The following CNTNAP2 variants were observed in gnomAD, a reference collection of about 807,000 sequenced individuals.
CNTNAP2 encodes contactin associated protein 2, also known as contactin-associated protein-like 2.
CNTNAP2 carries 98 observed loss-of-function variants against 155.2 expected under a neutral mutation model. The observed-to-expected ratio is 0.63, with a 90% CI of 0.54 to 0.75. The LOEUF (loss-of-function observed/expected upper bound fraction) is 0.75, where lower values mean the gene tolerates loss of function less well. Ranked by LOEUF, CNTNAP2 falls within the 30% of genes least tolerant of loss-of-function variation. CNTNAP2 has a pLI of 0.00. For synonymous variants in CNTNAP2, 651 were observed against 631.2 expected (o/e 1.03, Z -0.47); for missense variants, 1,727 against 1,688.1 (o/e 1.02, Z -0.40).
At chr7:146,141,203 G>C (rs1797877080) in intron 1 of CNTNAP2, among the ~76,000 whole-genome samples, 1 of 152,176 alleles carries the variant, frequency 6.6e-6, no homozygotes, top group Non-Finnish European at 1.5e-5. Flanking sequence ...AAGGGCACCT[G>C]TGTGTCAGCC....
intron 18 of CNTNAP2, among the ~76,000 whole-genome samples, chr7:148,203,187 A>G (rs192737497): frequency 6.6e-6 from 1 of 152,098 alleles, no homozygotes; most frequent in African/African-American, 2.4e-5. Context: ...TGGGGAGGAG[A>G]GGTGGGGGAA....
chr7:147,750,064 A>C (rs1255760592), intron 13 of CNTNAP2, among the ~76,000 whole-genome samples: 1 of 152,228 alleles, frequency 6.6e-6, no homozygotes, highest in Non-Finnish European at 1.5e-5. Context: ...AGCCATTATA[A>C]AGGAATGCCT....
rs116662049 is a variant in CNTNAP2 at position 148,229,302 on chromosome 7, T to G, written c.3248-344T>G. Among the ~76,000 whole-genome samples the G allele has an allele frequency of 8.9e-4, 135 of 152,270 alleles. 1 individual carries two copies. The highest frequency in any genetic ancestry group is 3.2e-3 in the African/African-American group (133 of 41,566). On this transcript the variant is annotated intron_variant, in intron 19 of 23. Coordinates refer to ENST00000361727, the MANE Select transcript of CNTNAP2 (RefSeq NM_014141.6). ...ACTTTGGGAGGCTGAGGCGAACGGA[T>G]AGCCTGAGGTCAGAATTTCGAGACC... is the stretch of plus-strand genomic sequence containing the variant.
chr7:146,679,130 A>G (rs1800455245), intron 1 of CNTNAP2, among the ~76,000 whole-genome samples: 1 of 152,082 alleles, frequency 6.6e-6, no homozygotes. Flanking sequence ...AGTACCCATT[A>G]GTTATTATTT....
At chr7:147,784,810 C>A (rs979809947) in intron 13 of CNTNAP2, among the ~76,000 whole-genome samples, 14 of 151,642 alleles carry the variant, frequency 9.2e-5, no homozygotes, top group Non-Finnish European at 2.1e-4. Flanking sequence ...GAGCTGGCAG[C>A]TGGACTGTGC....
intron 1 of CNTNAP2, among the ~76,000 whole-genome samples, chr7:146,216,840 G>T (rs1006083791): frequency 6.6e-6 from 1 of 152,182 alleles, no homozygotes; most frequent in Non-Finnish European, 1.5e-5. Context: ...TTTATAGGAG[G>T]TTGGTTTATA....
chr7:146,618,514 T>C lies in CNTNAP2; in HGVS notation c.98-155757T>C, dbSNP rs566397544. Among the ~76,000 whole-genome samples the C allele has an allele frequency of 9.2e-5, 14 of 152,300 alleles. No individual in the cohort carries two copies. The South Asian group carries it at 2.7e-3, about 29-fold the overall frequency. On this transcript the variant is annotated intron_variant, in intron 1 of 23. Coordinates refer to ENST00000361727, the MANE Select transcript of CNTNAP2 (RefSeq NM_014141.6). Reference sequence around the variant, plus strand: ...TTGCCATAATTTTGGGGAAGACTGTTCCTATGATGATGAATGAGTGTATTT... The same window carrying C: ...TTGCCATAATTTTGGGGAAGACTGTCCCTATGATGATGAATGAGTGTATTT...
At chr7:146,882,152 A>G (rs1795564611) in intron 3 of CNTNAP2, among the ~76,000 whole-genome samples, 1 of 152,028 alleles carries the variant, frequency 6.6e-6, no homozygotes, top group Non-Finnish European at 1.5e-5. Flanking sequence ...TTTCTTTCTT[A>G]TGGCTATATA....
intron 21 of CNTNAP2, among the ~76,000 whole-genome samples, chr7:148,307,320 T>C (rs1428650554): frequency 6.6e-6 from 1 of 152,044 alleles, no homozygotes; most frequent in East Asian, 1.9e-4. Context: ...TCCAGTGAGT[T>C]CTTCTGTTTT....
chr7:148,213,666 G>A (rs1463007103), intron 18 of CNTNAP2, among the ~76,000 whole-genome samples: 1 of 151,838 alleles, frequency 6.6e-6, no homozygotes, highest in Non-Finnish European at 1.5e-5. Context: ...ACATTCTCTA[G>A]CAGAACCTCT....
rs924480689 is a variant in CNTNAP2, at chr7:146,305,544, C to T, written c.97+188571C>T. ...TCTGTTGGAGTTTCCTGGAGGTCCA[C>T]TCCATACCCTATTTGCCTGGGTATC... On this transcript the variant is annotated intron_variant, in intron 1 of 23. Transcript: ENST00000361727. 4.6e-5 allele frequency among the ~76,000 whole-genome samples: 7 copies of T among 152,102 alleles called. No individual in the cohort carries two copies. The East Asian group carries it at 1.4e-3, about 29-fold the overall frequency.
intron 21 of CNTNAP2, among the ~76,000 whole-genome samples, chr7:148,283,788 A>ACT (rs1797031704): frequency 3.3e-5 from 5 of 152,190 alleles, no homozygotes; most frequent in African/African-American, 1.2e-4. Flanking sequence ...CTGTTAGATG[A>ACT]GCTGTCTTTA....
chr7:147,953,435 A>G (rs2246747), intron 14 of CNTNAP2, among the ~76,000 whole-genome samples: 127,029 of 152,068 alleles, frequency 0.84, 53,582 homozygotes, highest in South Asian at 0.92. Flanking sequence ...CCATACCTAG[A>G]TGATGGGTTG....
At chr7:147,611,097 AT>A (rs34114191) in intron 12 of CNTNAP2, among the ~76,000 whole-genome samples, 103,478 of 150,956 alleles carry the variant, frequency 0.69, 35,798 homozygotes, top group African/African-American at 0.78. Context: ...ATTAGGAGTG[AT>A]TTTTTTTTTA....
At chr7:146,372,529 A>G (rs568247761) in intron 1 of CNTNAP2, among the ~76,000 whole-genome samples, 1 of 152,286 alleles carries the variant, frequency 6.6e-6, no homozygotes, top group Admixed American at 6.5e-5. Context: ...AGTTCACCAC[A>G]TGTTTTAAAA....
chr7:146,278,337 C>T (rs932689721), intron 1 of CNTNAP2, among the ~76,000 whole-genome samples: 1 of 152,086 alleles, frequency 6.6e-6, no homozygotes, highest in Non-Finnish European at 1.5e-5. Flanking sequence ...AAACAAAGGT[C>T]TCTGTTCTTT....
intron 1 of CNTNAP2, among the ~76,000 whole-genome samples, chr7:146,256,752 C>T (rs909379247): frequency 6.6e-6 from 1 of 151,902 alleles, no homozygotes; most frequent in African/African-American, 2.4e-5. Flanking sequence ...CTTACCACAA[C>T]ACGGCAATGC....
chr7:148,399,545 C>T (rs748102052), intron 22 of CNTNAP2, among the ~76,000 whole-genome samples: 1 of 152,154 alleles, frequency 6.6e-6, no homozygotes, highest in Non-Finnish European at 1.5e-5. Context: ...AGAGATTCAA[C>T]TTGTATTTTT....
rs528666585 is a variant in CNTNAP2 at position 146,454,211 on chromosome 7, A to G, written c.98-320060A>G. On this transcript the variant is annotated intron_variant, in intron 1 of 23. Coordinates refer to ENST00000361727, the MANE Select transcript of CNTNAP2 (RefSeq NM_014141.6). ...CTATACTAGTAGATTCATTTTATCA[A>G]ATAAAATCATTTCTTGTTATAGATA... 1.8e-3 allele frequency among the ~76,000 whole-genome samples: 275 copies of G among 152,340 alleles called. 1 individual carries two copies. Among genetic ancestry groups the G allele is most frequent in the African/African-American group, 5.7e-3 (239 of 41,580 alleles).
Sources: gnomAD v4.1 joint callset for allele counts (sites outside exome capture counted in the v4.1 genomes callset) on GRCh38, gnomAD v4.1.1 for gene constraint, MANE v1.5 for transcripts, NCBI Gene and HGNC (gene_info 2026-07-23, HGNC 2026-07-21) for gene names.